Variants in SLC5A10 observed in about 807,000 individuals in gnomAD.
SLC5A10 encodes the protein solute carrier family 5 member 10.
A neutral mutation model predicts 68.9 loss-of-function variants in SLC5A10; 55 were observed. The ratio of observed to expected loss-of-function variants is 0.80; its 90% CI spans 0.64 to 1.00. The LOEUF is 1.00. Ranked by LOEUF, SLC5A10 falls within the 50% of genes least tolerant of loss-of-function variation. The pLI is 0.00. For missense variants in SLC5A10, 732 were observed against 819.3 expected (o/e 0.89, Z 1.30); for synonymous variants, 344 against 344.8 (o/e 1.00, Z 0.02).
intron 9 of SLC5A10, chr17:18,979,100 A>G (rs1377098511): frequency 3.5e-6 from 2 of 569,938 alleles, no homozygotes; most frequent in African/African-American, 1.9e-5. Flanking sequence ...CTGGTACAGG[A>G]TTCACTAAGC....
At chr17:18,987,242 TACCCC>T (rs2043293189) in intron 9 of SLC5A10, among the ~76,000 whole-genome samples, 1 of 152,226 alleles carries the variant, frequency 6.6e-6, no homozygotes, top group Admixed American at 6.5e-5. Context: ...AGCAGGCCTC[TACCCC>T]ACTATCTTTA....
Position 18,953,353 on chromosome 17 carries a change from C to T in SLC5A10, c.111+1037C>T, listed in dbSNP as rs1049748712. Among the ~76,000 whole-genome samples the T allele has an allele frequency of 1.2e-4, 19 of 152,052 alleles. No individual in the cohort carries two copies. The East Asian group carries it at 1.3e-3, about 11-fold the overall frequency. ...TTTACCGTGTTGGCCAGGCTAGTCT[C>T]GAACTCCTGACCTCATGATTTGCCC... On this transcript the variant is annotated intron_variant, in intron 1 of 14. Transcript: ENST00000395645.
At chr17:18,988,744 C>T (rs1207384759) in intron 9 of SLC5A10, among the ~76,000 whole-genome samples, 1 of 152,246 alleles carries the variant, frequency 6.6e-6, no homozygotes, top group Non-Finnish European at 1.5e-5. Flanking sequence ...AGGGCAGCAG[C>T]TGGCGTGGCG....
chr17:18,978,169 C>A, intron 9 of SLC5A10: 1 of 1,537,688 alleles, frequency 6.5e-7, no homozygotes. Context: ...GGGGCAATGG[C>A]TCAGGGTCCC....
At position 19,017,543 on chromosome 17, in the gene SLC5A10, C is replaced by T. The variant is rs2044165977; in HGVS notation, c.1242-1880C>T. Reference sequence around the variant, plus strand: ...ACCCTGATGGCTCTGTCCAGCTGAGCAGAGGCTGGAGGAGCCGTCACAGGC... The same window carrying T: ...ACCCTGATGGCTCTGTCCAGCTGAGTAGAGGCTGGAGGAGCCGTCACAGGC... On this transcript the variant is annotated intron_variant, in intron 11 of 14. Transcript: ENST00000395645. This position sits in a 1 kb window ranked among gnomAD's most constrained non-coding sequence, Gnocchi z 5.6. The T allele has an allele frequency of 2.7e-6, 2 of 729,808 alleles. No individual in the cohort carries two copies. The highest frequency in any genetic ancestry group is 2.8e-5 in the East Asian group (1 of 36,018). 45.2% of individuals were successfully genotyped at this position (729,808 alleles called of 1,614,324 possible). A position where few individuals can be genotyped will look rare whatever the true frequency, so the allele number is the denominator to read the frequency against.
intron 8 of SLC5A10, among the ~76,000 whole-genome samples, chr17:18,973,014 C>T (rs904640430): frequency 9.2e-5 from 14 of 152,250 alleles, no homozygotes; most frequent in Admixed American, 2.0e-4. Flanking sequence ...TGCCCACATC[C>T]GCCATGCCTC....
chr17:18,954,451 G>GTTC (rs1259635450), intron 1 of SLC5A10, among the ~76,000 whole-genome samples: 2 of 152,216 alleles, frequency 1.3e-5, no homozygotes, highest in Non-Finnish European at 2.9e-5. Context: ...GGCTGTAGGA[G>GTTC]TTCTGCCCTG....
chr17:19,005,871 C>T (rs953437962), intron 9 of SLC5A10, among the ~76,000 whole-genome samples: 1 of 152,246 alleles, frequency 6.6e-6, no homozygotes, highest in African/African-American at 2.4e-5. Flanking sequence ...TATTTGCATC[C>T]TCCTCCTGCC....
In SLC5A10 at chr17:19,021,771, T is replaced by G; in HGVS notation, c.*1340T>G. The G allele has an allele frequency of 2.1e-6, 1 of 473,366 alleles. No individual in the cohort carries two copies. Among genetic ancestry groups the G allele is most frequent in the South Asian group, 7.6e-5 (1 of 13,128 alleles). 29.3% of individuals were successfully genotyped at this position (473,366 alleles called of 1,614,324 possible). ...AAGCCCCGGAGCTACCCTTGCTGGGTACCCTTGCTGGGGGACCTGGGCCAT... is the reference window on the plus strand; with the variant it reads ...AAGCCCCGGAGCTACCCTTGCTGGGGACCCTTGCTGGGGGACCTGGGCCAT... On this transcript the variant is annotated 3_prime_UTR_variant, in exon 15 of 15. Coordinates refer to ENST00000395645, the MANE Select transcript of SLC5A10 (RefSeq NM_001042450.4). The surrounding 1 kb of genome is among the most constrained non-coding windows in gnomAD (Gnocchi z 4.1).
rs148133318 is a variant in SLC5A10, at chr17:19,016,571, C to T, written c.1241+1372C>T. Among the ~76,000 whole-genome samples, 12 of 152,298 alleles carry T rather than the reference C, an allele frequency of 7.9e-5. No homozygotes were observed. In the East Asian group the frequency reaches 2.3e-3, roughly 29 times the overall value. On this transcript the variant is annotated intron_variant, in intron 11 of 14. Transcript: ENST00000395645. ...TCCTCCAGAGCTCCAGGCAGCTGTC[C>T]CAGGGATGCAAAATAGTCAGGCTTC... is the stretch of plus-strand genomic sequence containing the variant.
At chr17:19,014,743 C>G (rs1046667076) in intron 10 of SLC5A10, among the ~76,000 whole-genome samples, 3 of 152,198 alleles carry the variant, frequency 2.0e-5, no homozygotes, top group Admixed American at 6.5e-5. Context: ...CCAGGCTCTG[C>G]AGAAAGGACA....
chr17:19,020,113 CCAT>C, intron 13 of SLC5A10, 39 bp from the exon 14 acceptor site: 1 of 882,194 alleles, frequency 1.1e-6, no homozygotes. Context: ...CCCCACCCTG[CCAT>C]CCCCCACCCC....
intron 4 of SLC5A10, among the ~76,000 whole-genome samples, 179 bp from the exon 5 acceptor site, chr17:18,960,369 C>T (rs922570370): frequency 7.9e-5 from 12 of 152,258 alleles, no homozygotes; most frequent in Non-Finnish European, 4.4e-5. Flanking sequence ...GCAGCCGGAG[C>T]AGCCCGGGAT....
chr17:18,970,620 C>A, intron 7 of SLC5A10: 1 of 273,052 alleles, frequency 3.7e-6, no homozygotes. Flanking sequence ...CTTTAGAAGC[C>A]TCAGGAAGGT....
At chr17:18,985,211 C>T (rs1255211138) in intron 9 of SLC5A10, among the ~76,000 whole-genome samples, 1 of 152,214 alleles carries the variant, frequency 6.6e-6, no homozygotes, top group Non-Finnish European at 1.5e-5. Context: ...ACCGAAGGCC[C>T]ACCGCACAAA....
At chr17:18,979,909 T>C (rs1157518190) in intron 9 of SLC5A10, among the ~76,000 whole-genome samples, 1 of 151,954 alleles carries the variant, frequency 6.6e-6, no homozygotes, top group South Asian at 2.1e-4. Flanking sequence ...TACAAAGGGG[T>C]TGGCATAAGA....
rs548870602 is a variant in SLC5A10, at chr17:19,017,513, C to T, written c.1242-1910C>T. ...CGCAGGGCCGGGTGCAGTACCATGC[C>T]GGTGACCCTGATGGCTCTGTCCAGC... On this transcript the variant is annotated intron_variant, in intron 11 of 14. Transcript: ENST00000395645. This position sits in a 1 kb window ranked among gnomAD's most constrained non-coding sequence, Gnocchi z 5.6. 170 of 922,814 alleles carry T rather than the reference C, an allele frequency of 1.8e-4. 3 individuals are homozygous for T. The South Asian group carries it at 2.5e-3, about 13-fold the overall frequency. 57.2% of individuals were successfully genotyped at this position (922,814 alleles called of 1,614,324 possible). A position where few individuals can be genotyped will look rare whatever the true frequency, so the allele number is the denominator to read the frequency against.
rs767359533 is a variant in SLC5A10, at chr17:18,959,150, T to C, written c.199T>C (p.Phe67Leu). Residue 67 changes from phenylalanine to leucine, a missense_variant, in exon 3 of 15, where the codon TTC (phenylalanine) becomes CTC (leucine). Coordinates refer to ENST00000395645, the MANE Select transcript of SLC5A10 (RefSeq NM_001042450.4). The part of the protein sequence containing the change: ...MTWWPIGASL[F>L]ASSEGSGLFI... ...TCTCCTCCAGATTGGAGCCTCCCTC[T>C]TCGCCAGCAGCGAGGGCTCTGGCCT... The C allele has an allele frequency of 1.9e-6, 3 of 1,611,328 alleles. No individual in the cohort carries two copies. Among genetic ancestry groups the C allele is most frequent in the South Asian group, 1.1e-5 (1 of 91,030 alleles).
Position 19,020,178 on chromosome 17 carries a change from C to T in SLC5A10, c.1650C>T (p.Thr550=). 1 of 1,613,184 alleles carries T rather than the reference C, an allele frequency of 6.2e-7. No individual in the cohort carries two copies. The highest frequency in any genetic ancestry group is 8.5e-7 in the Non-Finnish European group (1 of 1,179,788). The change falls in exon 14 of 15, where the codon ACC becomes ACT. Residue 550 remains threonine, a synonymous_variant. Coordinates refer to ENST00000395645, the MANE Select transcript of SLC5A10 (RefSeq NM_001042450.4). ...AGATTGAGAACCTTACCTGGTGGACCCTGGCTCAGGATGTGCCCTTGGGAA... is the reference window on the plus strand; with the variant it reads ...AGATTGAGAACCTTACCTGGTGGACTCTGGCTCAGGATGTGCCCTTGGGAA... The part of the protein sequence containing the change: ...SVQIENLTWW[T]LAQDVPLGTK...
Sources: allele counts gnomAD v4.1 joint callset (sites outside exome capture counted in the v4.1 genomes callset), GRCh38; gene constraint gnomAD v4.1.1; non-coding constraint Gnocchi (gnomAD v3.1); transcripts MANE v1.5; gene names NCBI Gene and HGNC (gene_info 2026-07-23, HGNC 2026-07-21).